The following NR6A1 variants were observed in gnomAD, a reference collection of about 807,000 sequenced individuals.
NR6A1 encodes the protein nuclear receptor subfamily 6 group A member 1.
A neutral mutation model predicts 59.1 loss-of-function variants in NR6A1; 7 were observed. The ratio of observed to expected loss-of-function variants is 0.12; its 90% CI spans 0.07 to 0.22. The LOEUF (loss-of-function observed/expected upper bound fraction) is 0.22. NR6A1 is among the 10% of genes least tolerant of loss of function. The pLI, the probability that NR6A1 is intolerant of heterozygous loss-of-function variation, is 1.00. For missense variants in NR6A1, 468 were observed against 611.6 expected (o/e 0.77, Z 2.48); for synonymous variants, 243 against 236.1 (o/e 1.03, Z -0.27).
At chr9:124,528,821 G>A (rs1833017146) in intron 7 of NR6A1, among the ~76,000 whole-genome samples, 4 of 152,052 alleles carry the variant, frequency 2.6e-5, no homozygotes, top group Admixed American at 2.6e-4. Context: ...TATTTACATG[G>A]CATTTACATC....
intron 7 of NR6A1, among the ~76,000 whole-genome samples, chr9:124,531,565 C>G (rs1222724280): frequency 6.6e-6 from 1 of 152,146 alleles, no homozygotes; most frequent in East Asian, 1.9e-4. Flanking sequence ...GCCTGGGTTT[C>G]TAGCAGAGCG....
chr9:124,562,810 A>T (rs1834119125), intron 2 of NR6A1, among the ~76,000 whole-genome samples: 1 of 152,220 alleles, frequency 6.6e-6, no homozygotes, highest in Non-Finnish European at 1.5e-5. Flanking sequence ...GAAGATTAGT[A>T]ACAATCTGAA....
intron 2 of NR6A1, among the ~76,000 whole-genome samples, chr9:124,720,719 G>A (rs1839538839): frequency 6.6e-6 from 1 of 152,156 alleles, no homozygotes; most frequent in Non-Finnish European, 1.5e-5. Context: ...CCCAGAAAGG[G>A]CCTCAGTTAG....
intron 2 of NR6A1, among the ~76,000 whole-genome samples, chr9:124,611,749 T>TAG (rs34197337): frequency 0.042 from 3,884 of 91,456 alleles, 162 homozygotes; most frequent in East Asian, 0.17. Flanking sequence ...GACCCTGTCT[T>TAG]AGAGAGAGAG....
chr9:124,713,511 A>AT (rs1839339552), intron 2 of NR6A1, among the ~76,000 whole-genome samples: 1 of 152,214 alleles, frequency 6.6e-6, no homozygotes, highest in Non-Finnish European at 1.5e-5. Flanking sequence ...AGAGATTAAT[A>AT]TACAGAACAC....
chr9:124,677,645 A>G (rs556631594), intron 2 of NR6A1, among the ~76,000 whole-genome samples: 75 of 152,130 alleles, frequency 4.9e-4, no homozygotes, highest in Admixed American at 9.2e-4. Context: ...TATGTATTAT[A>G]TATGTTAACT....
intron 2 of NR6A1, among the ~76,000 whole-genome samples, chr9:124,697,267 C>T (rs536838328): frequency 2.6e-5 from 4 of 152,120 alleles, no homozygotes; most frequent in Non-Finnish European, 5.9e-5. Flanking sequence ...TATTGGACAC[C>T]TAGTGTATAC....
chr9:124,560,891 T>C (rs1224352559), intron 2 of NR6A1, among the ~76,000 whole-genome samples: 1 of 152,028 alleles, frequency 6.6e-6, no homozygotes, highest in Admixed American at 6.6e-5. Flanking sequence ...CTTTAAACTT[T>C]AATTGATGAG....
intron 2 of NR6A1, among the ~76,000 whole-genome samples, chr9:124,556,641 A>G (rs572670980): frequency 6.6e-6 from 1 of 151,946 alleles, no homozygotes; most frequent in South Asian, 2.1e-4. Context: ...TTGTATTTTT[A>G]GTAGAGACGG....
intron 2 of NR6A1, among the ~76,000 whole-genome samples, chr9:124,641,168 A>T (rs1482795692): frequency 6.6e-6 from 1 of 152,100 alleles, no homozygotes; most frequent in Admixed American, 6.5e-5. Flanking sequence ...CCTGGCCAAC[A>T]TGGCAAAACC....
At chr9:124,600,498 G>T (rs1373806227) in intron 2 of NR6A1, among the ~76,000 whole-genome samples, 1 of 152,144 alleles carries the variant, frequency 6.6e-6, no homozygotes, top group African/African-American at 2.4e-5. Flanking sequence ...CCAGAAACCA[G>T]GTTTTAAAAA....
intron 2 of NR6A1, among the ~76,000 whole-genome samples, chr9:124,583,461 T>A (rs1834830970): frequency 6.6e-6 from 1 of 152,144 alleles, no homozygotes; most frequent in South Asian, 2.1e-4. Flanking sequence ...AGGCCTCTAG[T>A]TCTGAGGCAG....
At chr9:124,634,011 TCTTGA>T (rs1836524275) in intron 2 of NR6A1, among the ~76,000 whole-genome samples, 1 of 152,258 alleles carries the variant, frequency 6.6e-6, no homozygotes, top group African/African-American at 2.4e-5. Flanking sequence ...GATGATAGCC[TCTTGA>T]CTTAATATAT....
chr9:124,676,135 T>C (rs1837952371), intron 2 of NR6A1, among the ~76,000 whole-genome samples: 1 of 152,182 alleles, frequency 6.6e-6, no homozygotes, highest in Non-Finnish European at 1.5e-5. Context: ...GGGGGAATAA[T>C]GCTCAGAAGC....
intron 2 of NR6A1, among the ~76,000 whole-genome samples, chr9:124,614,450 G>A (rs1211348612): frequency 6.6e-6 from 1 of 152,062 alleles, no homozygotes; most frequent in Non-Finnish European, 1.5e-5. Context: ...CCAACAACTG[G>A]CCCTCGGGTA....
chr9:124,574,379 C>A (rs1156527152), intron 2 of NR6A1, among the ~76,000 whole-genome samples: 1 of 152,132 alleles, frequency 6.6e-6, no homozygotes, highest in Non-Finnish European at 1.5e-5. Context: ...AGAATTTAGT[C>A]TTAACTATAA....
chr9:124,694,292 G>A (rs777843337), intron 2 of NR6A1, among the ~76,000 whole-genome samples: 37 of 152,044 alleles, frequency 2.4e-4, no homozygotes, highest in Non-Finnish European at 4.7e-4. Flanking sequence ...CATGTTTTGG[G>A]GGGAGAGTGG....
At chr9:124,559,396 C>T (rs1301805757) in intron 2 of NR6A1, among the ~76,000 whole-genome samples, 1 of 152,162 alleles carries the variant, frequency 6.6e-6, no homozygotes, top group Non-Finnish European at 1.5e-5. Flanking sequence ...TCCCGCACTG[C>T]CCTGAATAAT....
At chr9:124,650,927 T>C (rs1837081965) in intron 2 of NR6A1, among the ~76,000 whole-genome samples, 1 of 152,120 alleles carries the variant, frequency 6.6e-6, no homozygotes, top group Admixed American at 6.5e-5. Context: ...ACCACCACTC[T>C]CCAAACCCTG....
Sources: allele counts gnomAD v4.1 joint callset (sites outside exome capture counted in the v4.1 genomes callset), GRCh38; gene constraint gnomAD v4.1.1; transcripts MANE v1.5; gene names NCBI Gene and HGNC (gene_info 2026-07-23, HGNC 2026-07-21).